The following SMIM35 variants were observed in gnomAD, a reference collection of about 807,000 sequenced individuals.
SMIM35 encodes the protein TMPRSS4 antisense RNA 1 (non-protein coding).
intron 1 of SMIM35, among the ~76,000 whole-genome samples, chr11:118,046,173 T>A (rs1388298099): frequency 6.6e-6 from 1 of 151,052 alleles, no homozygotes; most frequent in African/African-American, 2.4e-5. Context: ...CAAGTACCCA[T>A]AGAGATCTCC....
At chr11:118,051,589 C>T (rs978589940) in intron 1 of SMIM35, among the ~76,000 whole-genome samples, 2 of 152,146 alleles carry the variant, frequency 1.3e-5, no homozygotes, top group Non-Finnish European at 2.9e-5. Context: ...TGAGGTTAAA[C>T]CCAGGCGAGA....
intron 1 of SMIM35, among the ~76,000 whole-genome samples, chr11:118,038,934 T>C (rs1036185716): frequency 2.7e-5 from 4 of 150,260 alleles, no homozygotes; most frequent in African/African-American, 9.8e-5. Context: ...GGATGGAAGG[T>C]GTGAAGTGAG....
intron 1 of SMIM35, among the ~76,000 whole-genome samples, chr11:118,068,296 C>T (rs145776233): frequency 2.3e-3 from 354 of 152,144 alleles, no homozygotes; most frequent in African/African-American, 8.2e-3. Context: ...TGCTCCTCCC[C>T]GTAAGCTCAA....
intron 1 of SMIM35, among the ~76,000 whole-genome samples, chr11:118,062,754 C>T (rs1306294460): frequency 3.9e-5 from 6 of 152,104 alleles, no homozygotes; most frequent in Non-Finnish European, 7.4e-5. Context: ...TTCTCTCTCT[C>T]TTAATTCTGT....
At chr11:118,069,948 C>T (rs1409667033) in intron 1 of SMIM35, among the ~76,000 whole-genome samples, 1 of 152,060 alleles carries the variant, frequency 6.6e-6, no homozygotes, top group Non-Finnish European at 1.5e-5. Flanking sequence ...GTAATCCCAG[C>T]CACTCGGGAG....
chr11:118,024,024 A>AAAG (rs1555071325), intron 1 of SMIM35, among the ~76,000 whole-genome samples: 3 of 152,144 alleles, frequency 2.0e-5, no homozygotes, highest in Admixed American at 6.5e-5. Context: ...CCAAAAAAAA[A>AAAG]AAAGAAAGAA....
intron 1 of SMIM35, among the ~76,000 whole-genome samples, chr11:118,079,360 G>T (rs951321841): frequency 3.3e-5 from 5 of 152,040 alleles, no homozygotes; most frequent in South Asian, 2.1e-4. Context: ...TGACAGTCAG[G>T]GTCCTTTGAG....
At chr11:118,062,389 G>C (rs1160456179) in intron 1 of SMIM35, among the ~76,000 whole-genome samples, 1 of 152,130 alleles carries the variant, frequency 6.6e-6, no homozygotes, top group Non-Finnish European at 1.5e-5. Flanking sequence ...CATCAAGTCA[G>C]GCTTCCCTTC....
chr11:118,079,262 G>A (rs1031056832), intron 1 of SMIM35, among the ~76,000 whole-genome samples: 1 of 152,106 alleles, frequency 6.6e-6, no homozygotes, highest in African/African-American at 2.4e-5. Flanking sequence ...GCCCTGAGGG[G>A]AGGATGGGAT....
chr11:118,041,380 C>T (rs979926461), intron 1 of SMIM35, among the ~76,000 whole-genome samples: 1 of 151,994 alleles, frequency 6.6e-6, no homozygotes, highest in Admixed American at 6.6e-5. Context: ...ATAAAACATC[C>T]CCTGGATAGA....
At chr11:118,022,909 G>GTTCA (rs1221332322) in intron 1 of SMIM35, among the ~76,000 whole-genome samples, 2 of 151,486 alleles carry the variant, frequency 1.3e-5, no homozygotes, top group African/African-American at 4.8e-5. Context: ...GCCTTAGACT[G>GTTCA]TTCAGCCTAA....
intron 1 of SMIM35, among the ~76,000 whole-genome samples, chr11:118,058,168 G>T (rs1379153697): frequency 6.6e-6 from 1 of 152,148 alleles, no homozygotes; most frequent in East Asian, 1.9e-4. Flanking sequence ...CCTGGGGGCT[G>T]GTCACCCTGT....
At chr11:118,051,660 G>A (rs1462038204) in intron 1 of SMIM35, among the ~76,000 whole-genome samples, 1 of 152,126 alleles carries the variant, frequency 6.6e-6, no homozygotes, top group Non-Finnish European at 1.5e-5. Flanking sequence ...TGCAGACAGT[G>A]TAACAAGGGC....
intron 4 of SMIM35, among the ~76,000 whole-genome samples, chr11:118,008,675 A>G (rs368852358): frequency 6.6e-6 from 1 of 152,262 alleles, no homozygotes; most frequent in African/African-American, 2.4e-5. Context: ...TTTGGTTTTC[A>G]GAGCACCTAG....
At chr11:118,049,730 T>TTGTATAAATATATTTGTATAAATACAAA (rs1944179009) in intron 1 of SMIM35, among the ~76,000 whole-genome samples, 2 of 152,174 alleles carry the variant, frequency 1.3e-5, no homozygotes, top group Admixed American at 1.3e-4. Flanking sequence ...CAAATATACT[T>TTGTATAAATATATTTGTATAAATACAAA]TATAAATACA....
At chr11:118,022,731 C>T (rs2058241991) in intron 1 of SMIM35, among the ~76,000 whole-genome samples, 1 of 152,020 alleles carries the variant, frequency 6.6e-6, no homozygotes, top group Non-Finnish European at 1.5e-5. Flanking sequence ...AAAGGAGCTA[C>T]CTGAGGCCAG....
chr11:118,073,393 CCACT>C (rs1387121501), intron 1 of SMIM35, among the ~76,000 whole-genome samples: 1 of 152,194 alleles, frequency 6.6e-6, no homozygotes, highest in African/African-American at 2.4e-5. Context: ...GGACCCCAGG[CCACT>C]AGAGCTCAAG....
chr11:118,025,271 T>C (rs2135044194), intron 1 of SMIM35: 1 of 306,682 alleles, frequency 3.3e-6, no homozygotes, highest in African/African-American at 2.2e-5. Context: ...TTATTTTCTT[T>C]TGGGTATATA....
chr11:118,081,481 C>G (rs1413312105), intron 1 of SMIM35, among the ~76,000 whole-genome samples: 1 of 152,218 alleles, frequency 6.6e-6, no homozygotes, highest in Non-Finnish European at 1.5e-5. Context: ...CTGCCCGTGG[C>G]CCCCAGAGCA....
Sources: allele counts gnomAD v4.1 joint callset (sites outside exome capture counted in the v4.1 genomes callset), GRCh38; gene constraint gnomAD v4.1.1; transcripts MANE v1.5; gene names NCBI Gene and HGNC (gene_info 2026-07-23, HGNC 2026-07-21).